Variants in TSC1 observed in about 807,000 individuals in gnomAD.
TSC1 encodes the protein TSC complex subunit 1, also known as hamartin.
In TSC1, 20 loss-of-function variants were observed where a neutral mutation model predicts 124.3. The observed-to-expected ratio is 0.16, with a 90% CI of 0.11 to 0.23. TSC1 has a LOEUF of 0.23. TSC1 is among the 10% of genes least tolerant of loss of function. The probability of loss-of-function intolerance (pLI) is 1.00; values close to 1 mark genes in which losing one functional copy is unlikely to be tolerated. For synonymous variants in TSC1, 493 were observed against 539.1 expected, an observed-to-expected ratio of 0.91 and a Z score of 1.19; for missense variants, 1,124 against 1,448.5, an observed-to-expected ratio of 0.78 and a Z score of 3.64.
intron 3 of TSC1, among the ~76,000 whole-genome samples, chr9:132,927,858 A>G (rs746718410): frequency 2.0e-5 from 3 of 152,182 alleles, no homozygotes; most frequent in Non-Finnish European, 4.4e-5. Context: ...AAAATAATCC[A>G]TATCTACTGT....
chr9:132,936,640 C>G (rs1158571868), intron 1 of TSC1, among the ~76,000 whole-genome samples: 1 of 152,116 alleles, frequency 6.6e-6, no homozygotes, highest in Non-Finnish European at 1.5e-5. Context: ...GTCCTTCAAA[C>G]TATATTTAGG....
chr9:132,897,039 G>A (rs1396726983), intron 22 of TSC1, 145 bp downstream of exon 22: 11 of 1,378,990 alleles, frequency 8.0e-6, no homozygotes, highest in South Asian at 2.3e-5. Flanking sequence ...GGAAAGGAAC[G>A]TCAGAGTGGG....
At chr9:132,918,814 C>T (rs1846394992) in intron 8 of TSC1, among the ~76,000 whole-genome samples, 1 of 152,204 alleles carries the variant, frequency 6.6e-6, no homozygotes, top group South Asian at 2.1e-4. Context: ...AGTCCCACCA[C>T]TGTGAACAAA....
intron 12 of TSC1, among the ~76,000 whole-genome samples, chr9:132,908,974 G>A (rs1175150840): frequency 2.0e-5 from 3 of 147,908 alleles, no homozygotes; most frequent in South Asian, 2.1e-4. Flanking sequence ...GTGTGATCTC[G>A]ACTTACTGCA....
At position 132,927,216 on chromosome 9, in the gene TSC1, T is replaced by C. The variant is rs764523181; in HGVS notation, c.195A>G (p.Gln65=). The C allele has an allele frequency of 6.2e-7, 1 of 1,614,002 alleles. No individual in the cohort carries two copies. The highest frequency in any genetic ancestry group is 1.7e-5 in the Admixed American group (1 of 60,022). ...QPALHILTTL[Q]EPHDKHLLDR... ...CAGCCATTACCTTGTCATGTGGCTC[T>C]TGCAAGGTGGTCAGGATGTGCAATG... The change falls in exon 4 of 23, where the codon CAA becomes CAG. Residue 65 remains glutamine, a synonymous_variant. Coordinates refer to ENST00000298552, the MANE Select transcript of TSC1 (RefSeq NM_000368.5).
At chr9:132,910,541 C>T (rs2131936190) in intron 12 of TSC1, 30 bp downstream of exon 12, 1 of 1,613,888 alleles carries the variant, frequency 6.2e-7, no homozygotes, top group East Asian at 2.2e-5. Context: ...TGTGCCTGGG[C>T]AGAGGGATAG....
At position 132,927,192 on chromosome 9, in the gene TSC1, A is replaced by G. The variant is rs1173791389; in HGVS notation, c.210+9T>C. The G allele has an allele frequency of 6.2e-7, 1 of 1,613,250 alleles. No homozygotes were observed. Among genetic ancestry groups the G allele is most frequent in the Non-Finnish European group, 8.5e-7 (1 of 1,179,558 alleles). On this transcript the variant is annotated intron_variant, in intron 4 of 22. Coordinates refer to ENST00000298552, the MANE Select transcript of TSC1 (RefSeq NM_000368.5). ...ACATATGAAATGCCTATGATATTTCAGCCATTACCTTGTCATGTGGCTCTT... is the reference window on the plus strand; with the variant it reads ...ACATATGAAATGCCTATGATATTTCGGCCATTACCTTGTCATGTGGCTCTT...
At chr9:132,917,669 G>C (rs1846338074) in intron 8 of TSC1, among the ~76,000 whole-genome samples, 1 of 152,130 alleles carries the variant, frequency 6.6e-6, no homozygotes, top group Non-Finnish European at 1.5e-5. Context: ...TGGATGCTGG[G>C]ACTTCCTGAA....
chr9:132,934,084 T>C (rs765954906), intron 2 of TSC1, among the ~76,000 whole-genome samples: 4 of 152,144 alleles, frequency 2.6e-5, no homozygotes, highest in African/African-American at 4.8e-5. Context: ...CCTACCTTAT[T>C]TTACAATTCC....
Position 132,905,624 on chromosome 9 carries a change from G to A in TSC1, c.1954C>T (p.Leu652=), listed in dbSNP as rs747452647. The A allele has an allele frequency of 3.1e-6, 5 of 1,614,082 alleles. No homozygotes were observed. The highest frequency in any genetic ancestry group is 4.2e-6 in the Non-Finnish European group (5 of 1,180,036). The change falls in exon 15 of 23, where the codon CTG becomes TTG. Residue 652 remains leucine (L), a synonymous_variant. Transcript: ENST00000298552. ...TGCGCGTCTGCTCCCTGCTGTATCAGTCTGTCCAGCACTTCCATTGGGGAG... is the reference window on the plus strand; with the variant it reads ...TGCGCGTCTGCTCCCTGCTGTATCAATCTGTCCAGCACTTCCATTGGGGAG... The part of the protein sequence containing the change: ...STSPMEVLDR[L]IQQGADAHSK...
At chr9:132,938,635 T>C (rs908286466) in intron 1 of TSC1, among the ~76,000 whole-genome samples, 3 of 152,216 alleles carry the variant, frequency 2.0e-5, no homozygotes, top group African/African-American at 7.2e-5. Flanking sequence ...ACATGAACTC[T>C]AGCCTAACAG....
chr9:132,897,266 A>T lies in TSC1; in HGVS notation c.2893T>A (p.Leu965Ile), dbSNP rs1060503217. 11 of 1,614,030 alleles carry T rather than the reference A, an allele frequency of 6.8e-6. No homozygotes were observed. The highest frequency in any genetic ancestry group is 9.3e-6 in the Non-Finnish European group (11 of 1,180,048). Residue 965 changes from leucine (L) to isoleucine (I), a missense_variant, in exon 22 of 23, where the codon TTA (leucine) becomes ATA (isoleucine). Leu to Ile is a conservative substitution (Grantham distance 5). Transcript: ENST00000298552. ...TQVFELEILD[L>I]YGRLEKDGLL... ...CCATCTTTCTCCAACCTGCCATATA[A>T]ATCTAAGATCTCCAATTCAAACACC...
At chr9:132,922,687 C>T (rs889507206) in intron 6 of TSC1, among the ~76,000 whole-genome samples, 1 of 152,182 alleles carries the variant, frequency 6.6e-6, no homozygotes, top group East Asian at 1.9e-4. Context: ...AACAAGCAGG[C>T]ACCACGTGGG....
Position 132,905,798 on chromosome 9 carries a change from C to T in TSC1, c.1780G>A (p.Val594Met), listed in dbSNP as rs1845623814. 4 of 1,614,112 alleles carry T rather than the reference C, an allele frequency of 2.5e-6. No homozygotes were observed. The highest frequency in any genetic ancestry group is 3.4e-6 in the Non-Finnish European group (4 of 1,180,046). The change falls in exon 15 of 23, where the codon GTG (valine) becomes ATG (methionine). Residue 594 changes from valine to methionine, a missense_variant. This residue lies in a region of TSC1 where 321 missense variants were observed against 397.4 expected (regional missense o/e 0.81). Coordinates refer to ENST00000298552, the MANE Select transcript of TSC1 (RefSeq NM_000368.5). ...GGAGGCTGCCCGCTTCCAAAGCCCA[C>T]TCTCGTCGGAGGTGGAATTTTACAA... Reference protein sequence around the residue: ...SPCKIPPPTRVGFGSGQPPPY... With the variant: ...SPCKIPPPTRMGFGSGQPPPY...
chr9:132,907,291 G>C lies in TSC1; in HGVS notation c.1333+10C>G, dbSNP rs2131878109. ...GGCAAGCAAGGCCTGTAGTAACGCA[G>C]AAATTTTACCTGATCCTCTGTCATT... On this transcript the variant is annotated intron_variant, in intron 13 of 22. Coordinates refer to ENST00000298552, the MANE Select transcript of TSC1 (RefSeq NM_000368.5). 1.2e-6 allele frequency: 2 copies of C among 1,613,318 alleles called. No homozygotes were observed. Among genetic ancestry groups the C allele is most frequent in the Non-Finnish European group, 1.7e-6 (2 of 1,179,288 alleles).
intron 8 of TSC1, among the ~76,000 whole-genome samples, chr9:132,915,377 AAAAAAAGACAC>A (rs1348556634): frequency 6.6e-6 from 1 of 152,224 alleles, no homozygotes; most frequent in African/African-American, 2.4e-5. Flanking sequence ...ATCTTAAAAG[AAAAAAAGACAC>A]AAAGCTATTC....
chr9:132,930,587 CAAAAAAAAA>C (rs58163733), intron 2 of TSC1, among the ~76,000 whole-genome samples: 8 of 45,248 alleles, frequency 1.8e-4, no homozygotes, highest in South Asian at 2.6e-3. Context: ...GACTCTGCCT[CAAAAAAAAA>C]AAAAAAAAAA....
Position 132,906,616 on chromosome 9 carries a change from G to C in TSC1, c.1438+115C>G. 2.3e-6 allele frequency: 2 copies of C among 858,800 alleles called. No individual in the cohort carries two copies. The highest frequency in any genetic ancestry group is 1.4e-5 in the South Asian group (1 of 69,694). The allele number at this position is 858,800 out of a possible 1,614,324, so 53.2% of individuals were successfully genotyped here. The stretch of plus-strand genomic sequence containing the variant: ...GGTCCCAGACTAAACCACCCATCTT[G>C]TTACCTCAAGAGAAGAAAAATCCAG... On this transcript the variant is annotated intron_variant, in intron 14 of 22. Coordinates refer to ENST00000298552, the MANE Select transcript of TSC1 (RefSeq NM_000368.5). This position sits in a 1 kb window ranked among gnomAD's most constrained non-coding sequence, Gnocchi z 4.1.
At chr9:132,905,142 T>C (rs1445276368) in intron 15 of TSC1, among the ~76,000 whole-genome samples, 2 of 152,130 alleles carry the variant, frequency 1.3e-5, no homozygotes, top group Non-Finnish European at 2.9e-5. Context: ...AAAATGCTGA[T>C]GATTTTATCT....
Sources: allele counts gnomAD v4.1 joint callset (sites outside exome capture counted in the v4.1 genomes callset), GRCh38; gene constraint gnomAD v4.1.1; regional missense constraint gnomAD v4.1.1; non-coding constraint Gnocchi (gnomAD v3.1); transcripts MANE v1.5; gene names NCBI Gene and HGNC (gene_info 2026-07-23, HGNC 2026-07-21).